Variants in HDGFL3 observed in about 807,000 individuals in gnomAD.
HDGFL3 encodes the protein HDGF like 3.
Under a neutral mutation model 27.6 loss-of-function variants are expected in HDGFL3, and 6 were observed. The observed-to-expected ratio is 0.22, with a 90% confidence interval of 0.12 to 0.43. HDGFL3 has a LOEUF of 0.43. Ranked by LOEUF, HDGFL3 falls within the 20% of genes least tolerant of loss-of-function variation. The probability of loss-of-function intolerance (pLI) is 1.00; values close to 1 mark genes in which losing one functional copy is unlikely to be tolerated. For synonymous variants in HDGFL3, 88 were observed against 88.9 expected (o/e 0.99, Z 0.05); for missense variants, 207 against 250.1 (o/e 0.83, Z 1.16).
chr15:83,139,296 A>G, intron 5 of HDGFL3, 21 bp from the exon 6 acceptor site: 1 of 1,398,494 alleles, frequency 7.2e-7, no homozygotes, highest in Non-Finnish European at 9.6e-7. Context: ...AAAAAAAAGA[A>G]AGAAAACAAG....
intron 1 of HDGFL3, among the ~76,000 whole-genome samples, chr15:83,199,080 T>C (rs1031551674): frequency 6.6e-6 from 1 of 152,190 alleles, no homozygotes; most frequent in Non-Finnish European, 1.5e-5. Context: ...AGTCTAAATA[T>C]TTTTTTCAAA....
intron 1 of HDGFL3, among the ~76,000 whole-genome samples, chr15:83,187,780 C>T (rs1273285916): frequency 2.0e-5 from 3 of 150,676 alleles, no homozygotes; most frequent in South Asian, 4.2e-4. Flanking sequence ...CCCAGCTACT[C>T]GGGAGGCTGA....
intron 1 of HDGFL3, among the ~76,000 whole-genome samples, chr15:83,171,741 G>C (rs1238152743): frequency 1.3e-5 from 2 of 152,130 alleles, no homozygotes; most frequent in Non-Finnish European, 2.9e-5. Context: ...GACTCCAAAA[G>C]GGGATGGGAG....
intron 1 of HDGFL3, among the ~76,000 whole-genome samples, chr15:83,188,833 A>G (rs1388883979): frequency 6.6e-6 from 1 of 151,776 alleles, no homozygotes; most frequent in Non-Finnish European, 1.5e-5. Flanking sequence ...CAAACTCCAG[A>G]CCTCTCATAT....
chr15:83,196,864 A>G (rs1332385115), intron 1 of HDGFL3, among the ~76,000 whole-genome samples: 1 of 152,186 alleles, frequency 6.6e-6, no homozygotes, highest in Non-Finnish European at 1.5e-5. Context: ...TTTCTCTATG[A>G]AGTATGAAGG....
chr15:83,139,479 A>G (rs1014823702), intron 5 of HDGFL3, among the ~76,000 whole-genome samples: 1 of 152,180 alleles, frequency 6.6e-6, no homozygotes, highest in African/African-American at 2.4e-5. Flanking sequence ...AGGAAATCCT[A>G]GGGTATTTTT....
chr15:83,170,916 C>G (rs936783634), intron 1 of HDGFL3, among the ~76,000 whole-genome samples: 1 of 146,154 alleles, frequency 6.8e-6, no homozygotes, highest in South Asian at 2.2e-4. Context: ...AAAAAATGGG[C>G]AAAATATATG....
intron 2 of HDGFL3, among the ~76,000 whole-genome samples, chr15:83,159,368 A>G (rs2037069498): frequency 6.6e-6 from 1 of 152,188 alleles, no homozygotes; most frequent in African/African-American, 2.4e-5. Context: ...TACTTCTCAA[A>G]CTGAGATTCA....
chr15:83,115,188 GCTCAC>G, exon 4 of HDGFL3: 68 of 166,602 alleles, frequency 4.1e-4, no homozygotes, highest in South Asian at 1.9e-3. Flanking sequence ...TGTGATCTCG[GCTCAC>G]TGCAACCTCC....
At position 83,163,989 on chromosome 15, in the gene HDGFL3, G is replaced by C. The variant is rs753661528; in HGVS notation, c.161+10C>G. 1.2e-6 allele frequency: 2 copies of C among 1,602,862 alleles called. No homozygotes were observed. The highest frequency in any genetic ancestry group is 1.7e-6 in the Non-Finnish European group (2 of 1,170,408). ...AGCTAGAGCTGTTGAAACTATTTTT[G>C]CTAACTTACGTTTCATGGGTGCCAA... On this transcript the variant is annotated intron_variant, in intron 2 of 5. Transcript: ENST00000299633.
chr15:83,172,727 A>G (rs2037260936), intron 1 of HDGFL3, among the ~76,000 whole-genome samples: 1 of 151,848 alleles, frequency 6.6e-6, no homozygotes, highest in Non-Finnish European at 1.5e-5. Flanking sequence ...AGGCTGAGGC[A>G]GAAGAATCGC....
chr15:83,157,232 T>C (rs1039583134), intron 4 of HDGFL3, 183 bp downstream of exon 4: 25 of 630,970 alleles, frequency 4.0e-5, no homozygotes, highest in African/African-American at 5.5e-5. Context: ...AAAGAGTCAA[T>C]AGTCAGATTG....
At position 83,164,983 on chromosome 15, in the gene HDGFL3, C is replaced by T. The variant is rs150637131; in HGVS notation, c.85-908G>A. 4.7e-3 allele frequency among the ~76,000 whole-genome samples: 720 copies of T among 152,260 alleles called. 5 individuals are homozygous for T. The highest frequency in any genetic ancestry group is 0.016 in the African/African-American group (672 of 41,526). ...TTGAACTTCTCATCTTTCAGACATA[C>T]AATGTTCAATTACAAAAGTGAGTAT... On this transcript the variant is annotated intron_variant, in intron 1 of 5. Coordinates refer to ENST00000299633, the MANE Select transcript of HDGFL3 (RefSeq NM_016073.4).
At chr15:83,194,869 C>CTTA (rs2037551163) in intron 1 of HDGFL3, among the ~76,000 whole-genome samples, 2 of 152,122 alleles carry the variant, frequency 1.3e-5, no homozygotes. Context: ...TGAAAATCAT[C>CTTA]TTAAATCTTA....
exon 4 of HDGFL3, chr15:83,114,805 A>G (rs148453043): frequency 1.3e-5 from 2 of 152,348 alleles, no homozygotes; most frequent in East Asian, 3.9e-4. Flanking sequence ...AACATGCACT[A>G]AATTTGATCA....
chr15:83,182,460 G>T (rs1036534374), intron 1 of HDGFL3, among the ~76,000 whole-genome samples: 22 of 152,146 alleles, frequency 1.4e-4, no homozygotes, highest in African/African-American at 5.3e-4. Flanking sequence ...ACCAACTATG[G>T]CATATTCATA....
chr15:83,149,503 G>C (rs1164437577), intron 5 of HDGFL3, among the ~76,000 whole-genome samples: 3 of 152,198 alleles, frequency 2.0e-5, no homozygotes, highest in South Asian at 2.1e-4. Context: ...AGAGGAAGCA[G>C]AACAGATTGG....
chr15:83,142,924 AAATG>A (rs1179133940), intron 5 of HDGFL3, among the ~76,000 whole-genome samples: 1 of 152,226 alleles, frequency 6.6e-6, no homozygotes, highest in Non-Finnish European at 1.5e-5. Flanking sequence ...TTATTATATT[AAATG>A]AATTAAGTAT....
chr15:83,207,318 C>A lies in HDGFL3; in HGVS notation c.84+13G>T. 1 of 1,355,230 alleles carries A rather than the reference C, an allele frequency of 7.4e-7. No individual in the cohort carries two copies. The highest frequency in any genetic ancestry group is 9.5e-7 in the Non-Finnish European group (1 of 1,049,248). The allele number at this position is 1,355,230 out of a possible 1,614,324, so 84.0% of individuals were successfully genotyped here. A position where few individuals can be genotyped will look rare whatever the true frequency, so the allele number is the denominator to read the frequency against. On this transcript the variant is annotated intron_variant, in intron 1 of 5. Coordinates refer to ENST00000299633, the MANE Select transcript of HDGFL3 (RefSeq NM_016073.4). This position sits in a 1 kb window ranked among gnomAD's most constrained non-coding sequence, Gnocchi z 4.8. ...GGTGGGCGGGCGGGCCCGCGCGCGGCCGCGGTACTCACCCGGGCCGGCCAG... is the reference window on the plus strand; with the variant it reads ...GGTGGGCGGGCGGGCCCGCGCGCGGACGCGGTACTCACCCGGGCCGGCCAG...
Sources: allele counts gnomAD v4.1 joint callset (sites outside exome capture counted in the v4.1 genomes callset), GRCh38; gene constraint gnomAD v4.1.1; non-coding constraint Gnocchi (gnomAD v3.1); transcripts MANE v1.5; gene names NCBI Gene and HGNC (gene_info 2026-07-23, HGNC 2026-07-21).